Variants in SUGP1 observed in about 807,000 individuals in gnomAD.
The protein encoded by SUGP1 is SURP and G-patch domain-containing protein 1.
SUGP1 carries 34 observed loss-of-function variants against 76.5 expected under a neutral mutation model. The observed-to-expected ratio is 0.44, with a 90% CI of 0.34 to 0.59. The LOEUF (loss-of-function observed/expected upper bound fraction) is 0.59, where lower values mean the gene tolerates loss of function less well. SUGP1 is among the 20% of genes least tolerant of loss of function. The pLI is 0.01. For missense variants in SUGP1, 752 were observed against 851.7 expected, an observed-to-expected ratio of 0.88 and a Z score of 1.46; for synonymous variants, 326 against 326.2, an observed-to-expected ratio of 1.00 and a Z score of 0.01.
intron 8 of SUGP1, among the ~76,000 whole-genome samples, chr19:19,296,623 G>A (rs1405371577): frequency 1.3e-5 from 2 of 151,380 alleles, no homozygotes; most frequent in African/African-American, 4.9e-5. Flanking sequence ...CTCCAGCCTG[G>A]GCAACAGAGC....
At chr19:19,292,286 A>AC (rs1349590592) in intron 8 of SUGP1, among the ~76,000 whole-genome samples, 1 of 151,882 alleles carries the variant, frequency 6.6e-6, no homozygotes, top group Non-Finnish European at 1.5e-5. Flanking sequence ...AAAAAAAAAA[A>AC]AAAAGAAAGA....
intron 8 of SUGP1, among the ~76,000 whole-genome samples, chr19:19,294,003 A>C (rs962466920): frequency 2.7e-5 from 4 of 150,664 alleles, no homozygotes; most frequent in African/African-American, 4.9e-5. Context: ...TGGGCAACAT[A>C]GTGGGACCTC....
At chr19:19,304,305 G>A (rs1231884382) in intron 4 of SUGP1, among the ~76,000 whole-genome samples, 7 of 152,094 alleles carry the variant, frequency 4.6e-5, no homozygotes, top group Admixed American at 3.3e-4. Context: ...GAAGCTCTGC[G>A]GCCGGTGGAA....
At chr19:19,298,585 C>T (rs913261995) in intron 7 of SUGP1, among the ~76,000 whole-genome samples, 5 of 152,134 alleles carry the variant, frequency 3.3e-5, no homozygotes, top group Admixed American at 6.5e-5. Flanking sequence ...TGCTAACATC[C>T]GGTACCTCAA....
Position 19,303,368 on chromosome 19 carries a change from G to A in SUGP1, c.743C>T (p.Ser248Leu), listed in dbSNP as rs1978144. Residue 248 changes from serine to leucine, a missense_variant, in exon 6 of 14, where the codon TCG (serine) becomes TTG (leucine). This residue lies in a region of SUGP1 where 620 missense variants were observed against 617.3 expected (regional missense o/e 1.00). Transcript: ENST00000247001. ...CCTACCTTTCTGAGAGGCTGCCTGC[G>A]ACTTCTGTGCTTCCTTTCTTATCTC... ...VAEIRKEAQK[S>L]QAASQKVSPP... The A allele has an allele frequency of 3.4e-3, 5,438 of 1,614,080 alleles. 253 individuals are homozygous for A. The Admixed American group carries it at 0.083, about 25-fold the overall frequency.
In SUGP1 at chr19:19,276,941, G is replaced by A. The variant is rs2061054441; in HGVS notation, c.1911+6C>T. The A allele has an allele frequency of 2.5e-6, 4 of 1,612,766 alleles. No homozygotes were observed. The highest frequency in any genetic ancestry group is 3.4e-6 in the Non-Finnish European group (4 of 1,179,992). ...GAGCAAAGGCAGCCCAGGAGGACAT[G>A]CGTACCAGGGGGTTGGGCCGGAAGC... On this transcript the variant is annotated splice_donor_region_variant and intron_variant, in intron 13 of 13. Coordinates refer to ENST00000247001, the MANE Select transcript of SUGP1 (RefSeq NM_172231.4).
At chr19:19,289,154 C>G (rs1336710447) in intron 8 of SUGP1, among the ~76,000 whole-genome samples, 3 of 152,072 alleles carry the variant, frequency 2.0e-5, no homozygotes, top group Non-Finnish European at 2.9e-5. Context: ...CAGCTGTATA[C>G]CCCGTTGCTC....
intron 7 of SUGP1, 27 bp downstream of exon 7, chr19:19,302,238 T>C (rs1011572922): frequency 1.2e-6 from 2 of 1,613,012 alleles, no homozygotes; most frequent in Non-Finnish European, 1.7e-6. Context: ...AGGGTGACGG[T>C]CACCTCCCTG....
chr19:19,277,263 GC>G (rs1599842048), intron 12 of SUGP1, among the ~76,000 whole-genome samples, 187 bp from the exon 13 acceptor site: 3 of 120,328 alleles, frequency 2.5e-5, no homozygotes, highest in African/African-American at 3.5e-5. Context: ...GGGGGGGGGG[GC>G]CTAGGCCCCA....
At chr19:19,316,313 C>A in intron 2 of SUGP1, 109 bp downstream of exon 2, 1 of 1,370,296 alleles carries the variant, frequency 7.3e-7, no homozygotes, top group Non-Finnish European at 1.0e-6. Context: ...GATCATCAGG[C>A]TATGGCTGGG....
intron 8 of SUGP1, among the ~76,000 whole-genome samples, chr19:19,294,418 G>A (rs2061208760): frequency 6.6e-6 from 1 of 151,330 alleles, no homozygotes; most frequent in Admixed American, 6.6e-5. Context: ...CACCTACTTG[G>A]GAGGCTGAGG....
chr19:19,302,153 C>T, intron 7 of SUGP1, 112 bp downstream of exon 7: 1 of 1,507,640 alleles, frequency 6.6e-7, no homozygotes, highest in East Asian at 2.3e-5. Flanking sequence ...GACCTGCCAG[C>T]TTCTCACAGT....
chr19:19,276,766 C>T (rs879067418), intron 13 of SUGP1, 92 bp from the exon 14 acceptor site: 15 of 1,593,776 alleles, frequency 9.4e-6, no homozygotes, highest in African/African-American at 4.0e-5. Flanking sequence ...CAGCTGAGCC[C>T]GCACCCTTGA....
chr19:19,302,683 G>A lies in SUGP1; in HGVS notation c.764-295C>T, dbSNP rs555545627. Reference sequence around the variant, plus strand: ...TCTGGGTAGGGCAGGAAGGCAGATGGGAGCACCCCAGGTCACATGGTTAGG... The same window carrying A: ...TCTGGGTAGGGCAGGAAGGCAGATGAGAGCACCCCAGGTCACATGGTTAGG... On this transcript the variant is annotated intron_variant, in intron 6 of 13. Transcript: ENST00000247001. 2.0e-5 allele frequency among the ~76,000 whole-genome samples: 3 copies of A among 152,236 alleles called. No individual in the cohort carries two copies. The East Asian group carries it at 5.8e-4, about 29-fold the overall frequency.
At chr19:19,282,372 G>A (rs1333598285) in intron 8 of SUGP1, among the ~76,000 whole-genome samples, 3 of 151,680 alleles carry the variant, frequency 2.0e-5, no homozygotes, top group African/African-American at 7.2e-5. Flanking sequence ...ACTGAGGTGG[G>A]AGGATAGCTT....
At chr19:19,298,417 G>A (rs996388335) in intron 7 of SUGP1, among the ~76,000 whole-genome samples, 2 of 152,306 alleles carry the variant, frequency 1.3e-5, no homozygotes, top group Non-Finnish European at 1.5e-5. Flanking sequence ...ACAATCACGC[G>A]AACCTGGGAG....
At chr19:19,303,696 C>A (rs920075766) in intron 5 of SUGP1, 28 bp downstream of exon 5, 2 of 1,613,646 alleles carry the variant, frequency 1.2e-6, no homozygotes, top group East Asian at 2.2e-5. Flanking sequence ...TTCAACAGCA[C>A]AGCCTTCCCT....
intron 4 of SUGP1, 137 bp downstream of exon 4, chr19:19,305,711 GC>G: frequency 1.2e-6 from 1 of 810,614 alleles, no homozygotes; most frequent in East Asian, 2.8e-5. Context: ...AGGGCCTGAG[GC>G]TCAGCTCAGA....
chr19:19,280,499 T>G (rs1476382714), intron 8 of SUGP1: 4 of 566,772 alleles, frequency 7.1e-6, no homozygotes, highest in Non-Finnish European at 1.3e-5. Context: ...TACGTCCTTG[T>G]GACCTCTCCA....
Sources: gnomAD v4.1 joint callset for allele counts (sites outside exome capture counted in the v4.1 genomes callset) on GRCh38, gnomAD v4.1.1 for gene constraint, gnomAD v4.1.1 regional missense constraint, MANE v1.5 for transcripts, NCBI Gene and HGNC (gene_info 2026-07-23, HGNC 2026-07-21) for gene names.